Variants in LHFPL2 observed in about 807,000 individuals in gnomAD.
LHFPL2 encodes LHFPL tetraspan subfamily member 2.
Under a neutral mutation model 17.5 loss-of-function variants are expected in LHFPL2, and 7 were observed. The observed-to-expected ratio is 0.40, with a 90% CI of 0.23 to 0.75. The LOEUF (loss-of-function observed/expected upper bound fraction) is 0.75, where lower values mean the gene tolerates loss of function less well. Ranked by LOEUF, LHFPL2 falls within the 30% of genes least tolerant of loss-of-function variation. The probability of loss-of-function intolerance (pLI) is 0.37; values close to 1 mark genes in which losing one functional copy is unlikely to be tolerated. For missense variants in LHFPL2, 241 were observed against 294.8 expected (o/e 0.82, Z 1.34); for synonymous variants, 134 against 116.2 (o/e 1.15, Z -0.99).
intron 2 of LHFPL2, among the ~76,000 whole-genome samples, chr5:78,600,588 C>T (rs2112472401): frequency 1.3e-5 from 2 of 152,192 alleles, no homozygotes; most frequent in East Asian, 3.9e-4. Flanking sequence ...ATTAGCCAGG[C>T]ATGGTGGCAC....
chr5:78,511,357 G>A (rs981666330), intron 3 of LHFPL2, among the ~76,000 whole-genome samples: 10 of 152,278 alleles, frequency 6.6e-5, no homozygotes, highest in Admixed American at 1.3e-4. Flanking sequence ...CTGTCTCCAC[G>A]GAGGAATGAC....
chr5:78,589,914 G>T (rs567509960), intron 2 of LHFPL2, among the ~76,000 whole-genome samples: 1 of 152,214 alleles, frequency 6.6e-6, no homozygotes, highest in African/African-American at 2.4e-5. Flanking sequence ...GACAATTATT[G>T]TAAGTTAAAA....
chr5:78,579,714 T>G (rs1291599978), intron 2 of LHFPL2, among the ~76,000 whole-genome samples: 2 of 152,232 alleles, frequency 1.3e-5, no homozygotes, highest in Non-Finnish European at 2.9e-5. Context: ...GGTGTATATG[T>G]GCCACATTTT....
chr5:78,490,317 TGTGCCTGCAGTGG>T (rs1754395816), intron 4 of LHFPL2, among the ~76,000 whole-genome samples: 1 of 152,164 alleles, frequency 6.6e-6, no homozygotes, highest in Non-Finnish European at 1.5e-5. Context: ...GTATCAGCCC[TGTGCCTGCAGTGG>T]GTGCCTCACC....
At chr5:78,620,652 A>G (rs1744819202) in intron 2 of LHFPL2, among the ~76,000 whole-genome samples, 1 of 152,182 alleles carries the variant, frequency 6.6e-6, no homozygotes, top group South Asian at 2.1e-4. Flanking sequence ...ACTGGCATCT[A>G]GTCAGCAGAG....
At chr5:78,546,489 A>C (rs1292951854) in intron 3 of LHFPL2, among the ~76,000 whole-genome samples, 1 of 152,242 alleles carries the variant, frequency 6.6e-6, no homozygotes, top group Non-Finnish European at 1.5e-5. Flanking sequence ...AACAGGGATA[A>C]TAATAGAACC....
At chr5:78,544,453 CAG>C (rs1561331816) in intron 3 of LHFPL2, among the ~76,000 whole-genome samples, 2 of 152,066 alleles carry the variant, frequency 1.3e-5, no homozygotes, top group African/African-American at 4.8e-5. Flanking sequence ...TAGTAGGGGA[CAG>C]GGGTAGACAT....
At chr5:78,566,341 C>T (rs560256424) in intron 2 of LHFPL2, among the ~76,000 whole-genome samples, 6 of 152,194 alleles carry the variant, frequency 3.9e-5, no homozygotes, top group Admixed American at 1.3e-4. Context: ...TATCTAAAAA[C>T]GTCATTTTAG....
chr5:78,589,391 A>G (rs1743544901), intron 2 of LHFPL2, among the ~76,000 whole-genome samples: 1 of 148,312 alleles, frequency 6.7e-6, no homozygotes, highest in Non-Finnish European at 1.5e-5. Context: ...AATCGCTTGA[A>G]CCCGGGAGGC....
At chr5:78,512,773 T>C (rs1362417614) in intron 3 of LHFPL2, among the ~76,000 whole-genome samples, 4 of 151,394 alleles carry the variant, frequency 2.6e-5, no homozygotes, top group Non-Finnish European at 5.9e-5. Context: ...TTTTCTTTTT[T>C]TTTTTTTTTT....
At chr5:78,504,571 G>A (rs1754875749) in intron 4 of LHFPL2, among the ~76,000 whole-genome samples, 1 of 152,180 alleles carries the variant, frequency 6.6e-6, no homozygotes, top group Admixed American at 6.5e-5. Flanking sequence ...GTGATCAGCT[G>A]CATTTCGTAT....
chr5:78,624,825 GA>G (rs1744974484), intron 2 of LHFPL2: 2 of 149,246 alleles, frequency 1.3e-5, no homozygotes, highest in South Asian at 4.2e-4. Context: ...TTCTTTTTGA[GA>G]TGGAGTTTCG....
At chr5:78,501,336 T>G (rs79721745) in intron 4 of LHFPL2, among the ~76,000 whole-genome samples, 2,486 of 152,264 alleles carry the variant, frequency 0.016, 79 homozygotes, top group African/African-American at 0.057. Flanking sequence ...CTTACTAAAC[T>G]TCCTTGATTT....
intron 1 of LHFPL2, among the ~76,000 whole-genome samples, chr5:78,639,274 A>G (rs1259190852): frequency 1.3e-5 from 2 of 152,206 alleles, no homozygotes. Flanking sequence ...TTCACACATC[A>G]GCTTAGTTCC....
intron 2 of LHFPL2, among the ~76,000 whole-genome samples, chr5:78,620,690 T>C (rs1744820349): frequency 6.6e-6 from 1 of 152,152 alleles, no homozygotes; most frequent in Non-Finnish European, 1.5e-5. Context: ...GCATCCACTA[T>C]AGGAAGCACA....
At chr5:78,635,846 A>T (rs769140082) in intron 1 of LHFPL2, among the ~76,000 whole-genome samples, 3 of 152,206 alleles carry the variant, frequency 2.0e-5, no homozygotes, top group African/African-American at 4.8e-5. Context: ...ACAACCAACC[A>T]ACCAAAACAA....
At chr5:78,566,754 G>A (rs939141087) in intron 2 of LHFPL2, among the ~76,000 whole-genome samples, 7 of 152,172 alleles carry the variant, frequency 4.6e-5, no homozygotes, top group African/African-American at 1.4e-4. Flanking sequence ...CACTGCGCCC[G>A]GCGAAACGAT....
intron 3 of LHFPL2, among the ~76,000 whole-genome samples, chr5:78,524,982 C>T (rs1159655267): frequency 6.6e-6 from 1 of 152,118 alleles, no homozygotes; most frequent in East Asian, 1.9e-4. Context: ...CTAGATATAA[C>T]AGGGTTTCTC....
At chr5:78,580,286 T>A (rs1243079790) in intron 2 of LHFPL2, among the ~76,000 whole-genome samples, 1 of 152,220 alleles carries the variant, frequency 6.6e-6, no homozygotes, top group Admixed American at 6.5e-5. Context: ...TTTCTCCCAT[T>A]TTGTAGGTTG....
Sources: gnomAD v4.1 joint callset for allele counts (sites outside exome capture counted in the v4.1 genomes callset) on GRCh38, gnomAD v4.1.1 for gene constraint, MANE v1.5 for transcripts, NCBI Gene and HGNC (gene_info 2026-07-23, HGNC 2026-07-21) for gene names.